The following HDAC9 variants were observed in gnomAD, a reference collection of about 807,000 sequenced individuals.
HDAC9 encodes histone deacetylase 9, also known as MEF-2 interacting transcription repressor (MITR) protein.
HDAC9 carries 41 observed loss-of-function variants against 139.4 expected under a neutral mutation model. The ratio of observed to expected loss-of-function variants is 0.29; its 90% CI spans 0.23 to 0.38. HDAC9 has a LOEUF of 0.38. Among genes scored for constraint, HDAC9 ranks in the 10% least tolerant of loss-of-function variants. The probability of loss-of-function intolerance (pLI) is 1.00; values close to 1 mark genes in which losing one functional copy is unlikely to be tolerated. For synonymous variants in HDAC9, 517 were observed against 476.2 expected (o/e 1.09, Z -1.12); for missense variants, 1,147 against 1,297.0 (o/e 0.88, Z 1.78).
At position 18,612,436 on chromosome 7, in the gene HDAC9, G is replaced by A. The variant is rs572620783; in HGVS notation, c.665-16914G>A. ...TATTGTTATTACAGTGATGTTATGA[G>A]TCCTCTAGAAGTGAAAGATGACTGT... On this transcript the variant is annotated intron_variant, in intron 6 of 25. Coordinates refer to ENST00000686413, the MANE Select transcript of HDAC9 (RefSeq NM_178425.4). Among the ~76,000 whole-genome samples, 70 of 152,018 alleles carry A rather than the reference G, an allele frequency of 4.6e-4. 1 individual carries two copies. In the South Asian group the frequency reaches 5.8e-3, roughly 13 times the overall value.
chr7:18,603,669 T>G (rs565294204), intron 6 of HDAC9, among the ~76,000 whole-genome samples: 1 of 152,250 alleles, frequency 6.6e-6, no homozygotes, highest in East Asian at 1.9e-4. Flanking sequence ...GTTCCTATTA[T>G]TATTGTGCAC....
intron 13 of HDAC9, among the ~76,000 whole-genome samples, chr7:18,730,460 TAAAC>T (rs1243267662): frequency 2.0e-5 from 3 of 152,204 alleles, no homozygotes; most frequent in Admixed American, 2.0e-4. Context: ...GCAGACATGT[TAAAC>T]AATCTAAAGG....
intron 2 of HDAC9, among the ~76,000 whole-genome samples, chr7:18,568,768 C>T (rs1439046189): frequency 2.0e-5 from 3 of 152,072 alleles, no homozygotes; most frequent in African/African-American, 4.8e-5. Flanking sequence ...AAAAATTGGG[C>T]CGGGCGCAGT....
intron 22 of HDAC9, among the ~76,000 whole-genome samples, chr7:18,933,678 A>T (rs1781420508): frequency 6.6e-6 from 1 of 152,180 alleles, no homozygotes; most frequent in Admixed American, 6.5e-5. Context: ...CAGCATGAAC[A>T]TGAATCAGCA....
At chr7:18,862,347 G>A (rs1180413507) in intron 21 of HDAC9, among the ~76,000 whole-genome samples, 2 of 152,070 alleles carry the variant, frequency 1.3e-5, no homozygotes, top group African/African-American at 2.4e-5. Context: ...TAATAGAGCC[G>A]CATATGACTT....
intron 12 of HDAC9, among the ~76,000 whole-genome samples, chr7:18,680,568 G>T (rs191662789): frequency 6.6e-6 from 1 of 151,950 alleles, no homozygotes; most frequent in African/African-American, 2.4e-5. Flanking sequence ...TTCAGGCCCA[G>T]GGAGGTTATG....
intron 12 of HDAC9, among the ~76,000 whole-genome samples, chr7:18,705,569 G>A (rs528258752): frequency 2.0e-5 from 3 of 152,100 alleles, no homozygotes; most frequent in African/African-American, 7.2e-5. Context: ...AAATGTTTTA[G>A]GCTGGGCACA....
In HDAC9 at chr7:18,968,253, G is replaced by A. The variant is rs566940460; in HGVS notation, c.3023-7553G>A. On this transcript the variant is annotated intron_variant, in intron 24 of 25. Coordinates refer to ENST00000686413, the MANE Select transcript of HDAC9 (RefSeq NM_178425.4). ...TATCAACCATACTTTAGGAATGTTTGAACATCTATAGTAATATTGAACCAT... is the reference window on the plus strand; with the variant it reads ...TATCAACCATACTTTAGGAATGTTTAAACATCTATAGTAATATTGAACCAT... Among the ~76,000 whole-genome samples the A allele has an allele frequency of 2.6e-5, 4 of 152,326 alleles. No homozygotes were observed. In the South Asian group the frequency reaches 8.3e-4, roughly 32 times the overall value.
chr7:18,390,400 G>A (rs1786363627), intron 1 of HDAC9, among the ~76,000 whole-genome samples: 1 of 152,042 alleles, frequency 6.6e-6, no homozygotes, highest in East Asian at 1.9e-4. Flanking sequence ...GCAACCATTG[G>A]TTCCTAGAAA....
chr7:18,804,826 A>G (rs918801179), intron 17 of HDAC9, among the ~76,000 whole-genome samples: 2 of 152,100 alleles, frequency 1.3e-5, no homozygotes, highest in Non-Finnish European at 2.9e-5. Flanking sequence ...ACATGGTCTC[A>G]CTCTGTCACC....
chr7:18,133,249 G>A (rs1404272237), intron 1 of HDAC9, among the ~76,000 whole-genome samples: 1 of 152,020 alleles, frequency 6.6e-6, no homozygotes, highest in Non-Finnish European at 1.5e-5. Flanking sequence ...GTAAAATACA[G>A]GATTAATCAC....
rs115951771 is a variant in HDAC9 at position 18,646,938 on chromosome 7, T to C, written c.1036-847T>C. On this transcript the variant is annotated intron_variant, in intron 9 of 25. Coordinates refer to ENST00000686413, the MANE Select transcript of HDAC9 (RefSeq NM_178425.4). ...CAATATTTAGAGATTTGGGTATCTG[T>C]TATGAATTAATATAAAATGTTTAAA... Among the ~76,000 whole-genome samples the C allele has an allele frequency of 9.2e-3, 1,395 of 152,296 alleles. 25 individuals are homozygous for C. Among genetic ancestry groups the C allele is most frequent in the African/African-American group, 0.032 (1,324 of 41,556 alleles).
intron 1 of HDAC9, among the ~76,000 whole-genome samples, chr7:18,368,199 A>G (rs960131798): frequency 2.9e-4 from 44 of 152,026 alleles, no homozygotes; most frequent in African/African-American, 1.0e-3. Context: ...AACAGTTAAT[A>G]CTTTTTAATG....
At chr7:18,419,006 A>G (rs1789362136) in intron 1 of HDAC9, among the ~76,000 whole-genome samples, 1 of 152,164 alleles carries the variant, frequency 6.6e-6, no homozygotes, top group Admixed American at 6.6e-5. Flanking sequence ...TAGAATCTTT[A>G]GGGACAATGG....
intron 12 of HDAC9, among the ~76,000 whole-genome samples, chr7:18,720,839 A>AT (rs958350157): frequency 2.0e-5 from 3 of 151,628 alleles, no homozygotes; most frequent in East Asian, 1.9e-4. Flanking sequence ...ACGCCAACTA[A>AT]TTTTTTTGTT....
intron 1 of HDAC9, among the ~76,000 whole-genome samples, chr7:18,310,291 G>A (rs1585112924): frequency 6.6e-6 from 1 of 152,114 alleles, no homozygotes; most frequent in Non-Finnish European, 1.5e-5. Flanking sequence ...GTGACTACAC[G>A]GTTTTGAAAA....
intron 1 of HDAC9, among the ~76,000 whole-genome samples, chr7:18,466,099 A>G: frequency 6.6e-6 from 1 of 152,332 alleles, no homozygotes; most frequent in African/African-American, 2.4e-5. Flanking sequence ...GCAGCATTCA[A>G]TTCTTTGTCT....
intron 6 of HDAC9, 32 bp from the exon 7 acceptor site, chr7:18,629,318 A>AT: frequency 1.4e-6 from 2 of 1,473,032 alleles, no homozygotes; most frequent in African/African-American, 1.6e-5. Flanking sequence ...TTTAATTTTT[A>AT]TCTATTTTTT....
chr7:18,584,225 C>T (rs549375345), intron 2 of HDAC9, among the ~76,000 whole-genome samples: 1 of 143,108 alleles, frequency 7.0e-6, no homozygotes, highest in East Asian at 2.2e-4. Flanking sequence ...ACTGCAAGCT[C>T]CGCCTCCCAG....
Sources: gnomAD v4.1 joint callset for allele counts (sites outside exome capture counted in the v4.1 genomes callset) on GRCh38, gnomAD v4.1.1 for gene constraint, MANE v1.5 for transcripts, NCBI Gene and HGNC (gene_info 2026-07-23, HGNC 2026-07-21) for gene names.